LYST: variants seen among roughly 807,000 people sequenced by gnomAD.
The protein encoded by LYST is lysosomal trafficking regulator.
Under a neutral mutation model 413.6 loss-of-function variants are expected in LYST, and 192 were observed. That is an observed-to-expected ratio of 0.46 (90% confidence interval 0.41 to 0.52). The LOEUF (loss-of-function observed/expected upper bound fraction) is 0.52, where lower values mean the gene tolerates loss of function less well. LYST is among the 20% of genes least tolerant of loss of function. The pLI, the probability that LYST is intolerant of heterozygous loss-of-function variation, is 0.00. For synonymous variants in LYST, 1,525 were observed against 1,567.3 expected, an observed-to-expected ratio of 0.97 and a Z score of 0.64; for missense variants, 3,815 against 4,499.9, an observed-to-expected ratio of 0.85 and a Z score of 4.35.
In LYST at chr1:235,739,813, A is replaced by T. The variant is rs76090039; in HGVS notation, c.8358+1609T>A. 1.7e-3 allele frequency among the ~76,000 whole-genome samples: 264 copies of T among 152,312 alleles called. 1 individual carries two copies. Among genetic ancestry groups the T allele is most frequent in the African/African-American group, 5.9e-3 (246 of 41,570 alleles). ...CTATTAGGTTAAAGATAATATCCTC[A>T]GTCTTCGTGGGTGAATAAACAACTG... On this transcript the variant is annotated intron_variant, in intron 31 of 52. Coordinates refer to ENST00000389793, the MANE Select transcript of LYST (RefSeq NM_000081.4).
intron 23 of LYST, among the ~76,000 whole-genome samples, chr1:235,758,027 C>A (rs987573451): frequency 1.3e-5 from 2 of 151,988 alleles, no homozygotes; most frequent in Non-Finnish European, 2.9e-5. Context: ...TCTCAAGAAC[C>A]AAGTGTGAAA....
intron 46 of LYST, among the ~76,000 whole-genome samples, chr1:235,695,312 A>G (rs1359806450): frequency 1.3e-5 from 2 of 152,260 alleles, no homozygotes; most frequent in Non-Finnish European, 2.9e-5. Context: ...AACTTCCCCA[A>G]GGCCACATAG....
intron 50 of LYST, among the ~76,000 whole-genome samples, chr1:235,667,645 C>T (rs1033461453): frequency 7.2e-5 from 11 of 152,158 alleles, no homozygotes; most frequent in Admixed American, 7.2e-4. Context: ...TTGCATATAA[C>T]CTCTGCACAT....
intron 1 of LYST, among the ~76,000 whole-genome samples, chr1:235,849,809 CA>C (rs1288551108): frequency 6.4e-5 from 9 of 140,668 alleles, no homozygotes; most frequent in Non-Finnish European, 1.4e-4. Flanking sequence ...CTTAGGAAGA[CA>C]CCTAACAAAG....
chr1:235,870,729 A>G (rs973321495), upstream of LYST, among the ~76,000 whole-genome samples: 1 of 152,206 alleles, frequency 6.6e-6, no homozygotes, highest in Non-Finnish European at 1.5e-5. Context: ...AAGGGCCACA[A>G]TCTTTGTTCT....
intron 37 of LYST, 96 bp from the exon 38 acceptor site, chr1:235,728,227 T>C: frequency 1.1e-6 from 1 of 873,724 alleles, no homozygotes; most frequent in South Asian, 1.3e-5. Flanking sequence ...TGGTCTGAAT[T>C]TGAATCTCAC....
intron 50 of LYST, among the ~76,000 whole-genome samples, chr1:235,671,354 A>C (rs995353018): frequency 2.0e-5 from 3 of 152,216 alleles, no homozygotes; most frequent in Non-Finnish European, 4.4e-5. Flanking sequence ...GAATGCATTG[A>C]ATTTTGTCAA....
intron 1 of LYST, among the ~76,000 whole-genome samples, chr1:235,866,454 C>T (rs1680532275): frequency 6.6e-6 from 1 of 152,156 alleles, no homozygotes; most frequent in Non-Finnish European, 1.5e-5. Flanking sequence ...AGTGCAGCGG[C>T]ACAGGATCAA....
Position 235,806,228 on chromosome 1 carries a change from T to G in LYST, c.2908A>C (p.Ile970Leu), listed in dbSNP as rs539146732. 7.5e-4 allele frequency: 1,216 copies of G among 1,613,992 alleles called. 19 individuals are homozygous for G. The South Asian group carries it at 0.013, about 17-fold the overall frequency. ...TGGAACACTGAACTCAACATGTAGA[T>G]CCAACGACACATAGACCAAATGTCT... ...AADIWSMCRW[I>L]YMLSSVFQKQ... Residue 970 changes from isoleucine (I) to leucine (L), a missense_variant, in exon 6 of 53, where the codon ATC becomes CTC. Ile to Leu is a conservative substitution (Grantham distance 5). Transcript: ENST00000389793.
intron 21 of LYST, 28 bp from the exon 22 acceptor site, chr1:235,762,879 C>G (rs141182103): frequency 1.2e-6 from 2 of 1,600,130 alleles, no homozygotes; most frequent in African/African-American, 2.7e-5. Context: ...TTTGAAACAG[C>G]AAAATTTTTA....
chr1:235,859,183 C>G (rs1679572125), intron 1 of LYST, among the ~76,000 whole-genome samples: 1 of 152,124 alleles, frequency 6.6e-6, no homozygotes, highest in African/African-American at 2.4e-5. Context: ...ATACATCATT[C>G]CTCTTCTTCA....
Position 235,806,162 on chromosome 1 carries a change from T to G in LYST, c.2974A>C (p.Lys992Gln). The G allele has an allele frequency of 1.9e-6, 3 of 1,613,916 alleles. No individual in the cohort carries two copies. Among genetic ancestry groups the G allele is most frequent in the Non-Finnish European group, 2.5e-6 (3 of 1,179,984 alleles). The change falls in exon 6 of 53, where the codon AAG becomes CAG. Residue 992 changes from lysine to glutamine, a missense_variant. Transcript: ENST00000389793. ...YRLGGFRVCH[K>Q]LIFMIIQKLF... is the part of the protein sequence containing the mutation. ...TTCTGTATTATCATAAATATTAACT[T>G]ATGGCATACTCGGAAACCACCAAGC...
Position 235,806,753 on chromosome 1 carries a change from A to G in LYST, c.2383T>C (p.Leu795=). Residue 795 remains leucine (L), a synonymous_variant, in exon 6 of 53, where the codon TTG becomes CTG. Coordinates refer to ENST00000389793, the MANE Select transcript of LYST (RefSeq NM_000081.4). ...LKSRVIRDLF[L]SCNGVSQIIE... is the part of the protein sequence containing the mutation. ...ATTTGACTTACTCCATTACAACTCA[A>G]AAACAAATCTCTTATTACCCTGTGA... The G allele has an allele frequency of 6.2e-7, 1 of 1,611,624 alleles. No individual in the cohort carries two copies. Among genetic ancestry groups the G allele is most frequent in the Non-Finnish European group, 8.5e-7 (1 of 1,177,868 alleles).
chr1:235,760,577 T>C (rs1667487325), intron 22 of LYST, among the ~76,000 whole-genome samples: 1 of 152,170 alleles, frequency 6.6e-6, no homozygotes, highest in Non-Finnish European at 1.5e-5. Context: ...TGGGCATCAA[T>C]ACCACCTGTG....
intron 2 of LYST, among the ~76,000 whole-genome samples, chr1:235,832,052 G>C (rs901488009): frequency 2.6e-5 from 4 of 152,080 alleles, no homozygotes; most frequent in Non-Finnish European, 4.4e-5. Flanking sequence ...ATCGTTTCTG[G>C]GATTTTCCTT....
At chr1:235,800,235 C>T in intron 10 of LYST, 85 bp downstream of exon 10, 1 of 914,716 alleles carries the variant, frequency 1.1e-6, no homozygotes, top group Non-Finnish European at 1.8e-6. Context: ...CAGGCATGAG[C>T]CACCACACCT....
chr1:235,772,025 C>A (rs1207828602), intron 19 of LYST, among the ~76,000 whole-genome samples: 5 of 146,632 alleles, frequency 3.4e-5, no homozygotes, highest in Non-Finnish European at 7.4e-5. Context: ...GAGTTTGAGA[C>A]CAGCCTGGGC....
chr1:235,754,774 A>G (rs1330772868), intron 25 of LYST, among the ~76,000 whole-genome samples: 1 of 152,114 alleles, frequency 6.6e-6, no homozygotes, highest in Non-Finnish European at 1.5e-5. Flanking sequence ...TAAATTTTAC[A>G]TTTAAGACAA....
At chr1:235,843,478 C>T (rs1223426184) in intron 1 of LYST, among the ~76,000 whole-genome samples, 1 of 152,092 alleles carries the variant, frequency 6.6e-6, no homozygotes, top group Non-Finnish European at 1.5e-5. Flanking sequence ...CACAGAGTTG[C>T]TATGTGGAGC....
Sources: allele counts gnomAD v4.1 joint callset (sites outside exome capture counted in the v4.1 genomes callset), GRCh38; gene constraint gnomAD v4.1.1; transcripts MANE v1.5; gene names NCBI Gene and HGNC (gene_info 2026-07-23, HGNC 2026-07-21).